ZNF469: variants seen among roughly 807,000 people sequenced by gnomAD.
The protein encoded by ZNF469 is zinc finger protein 469.
ZNF469 carries 1 observed loss-of-function variant against 1.0 expected under a neutral mutation model. The ratio of observed to expected loss-of-function variants is 1.00; its 90% CI spans 0.35 to 4.73. ZNF469 has a LOEUF of 4.73. Among genes scored for constraint, ZNF469 ranks in the 30% most tolerant of loss-of-function variants. ZNF469 has a pLI of 0.16. For missense variants in ZNF469, 6,100 were observed against 5,356.3 expected (o/e 1.14, Z -4.33); for synonymous variants, 2,703 against 2,363.4 (o/e 1.14, Z -4.17).
the ZNF469 span, among the ~76,000 whole-genome samples, chr16:88,225,166 C>T: frequency 5.3e-5 from 8 of 152,264 alleles, no homozygotes; most frequent in African/African-American, 1.9e-4. Flanking sequence ...TCCCCACTGG[C>T]TTCCTCAGGC....
chr16:88,111,547 G>A, the ZNF469 span, among the ~76,000 whole-genome samples: 3 of 151,356 alleles, frequency 2.0e-5, no homozygotes, highest in African/African-American at 7.4e-5. Flanking sequence ...TTCCCAGCCT[G>A]TGGTAACCCT....
chr16:88,343,296 A>G, the ZNF469 span, among the ~76,000 whole-genome samples: 2 of 152,240 alleles, frequency 1.3e-5, no homozygotes. Flanking sequence ...TCCCAAGGAT[A>G]GAATAAACAT....
the ZNF469 span, among the ~76,000 whole-genome samples, chr16:88,238,829 G>T: frequency 6.6e-6 from 1 of 152,218 alleles, no homozygotes; most frequent in Non-Finnish European, 1.5e-5. Flanking sequence ...AGAAGAGCAG[G>T]CGCCTCTGCT....
the ZNF469 span, among the ~76,000 whole-genome samples, chr16:88,257,177 T>C: frequency 6.6e-6 from 1 of 150,876 alleles, no homozygotes; most frequent in African/African-American, 2.4e-5. Flanking sequence ...TTGGCCAGGC[T>C]GGTCTCCAAC....
the ZNF469 span, among the ~76,000 whole-genome samples, chr16:88,117,650 G>T: frequency 7.2e-5 from 11 of 152,116 alleles, no homozygotes; most frequent in Admixed American, 2.6e-4. Flanking sequence ...AAAGTGCCAC[G>T]TGTCTTCACA....
At chr16:88,108,548 G>A in the ZNF469 span, among the ~76,000 whole-genome samples, 72,712 of 152,070 alleles carry the variant, frequency 0.48, 18,327 homozygotes, top group Middle Eastern at 0.65. Context: ...AGGATCTTTG[G>A]GGGTTGAGTT....
the ZNF469 span, among the ~76,000 whole-genome samples, chr16:88,319,561 A>G: frequency 6.6e-6 from 1 of 152,138 alleles, no homozygotes; most frequent in Non-Finnish European, 1.5e-5. Flanking sequence ...TCAGAGGGGA[A>G]GCAGCGGGGC....
At chr16:88,321,577 T>G in the ZNF469 span, among the ~76,000 whole-genome samples, 3 of 152,134 alleles carry the variant, frequency 2.0e-5, no homozygotes, top group Admixed American at 2.0e-4. Context: ...GCCCTCGGAT[T>G]CTGCTCATAA....
rs930250153 is a variant in ZNF469 at position 88,440,687 on chromosome 16, G to A, written c.*1355G>A. ...CGCAAACCAAGTGCGGAGGGGCCCT[G>A]AGGTTGTACTGTAAACATCATAGTG... On this transcript the variant is annotated 3_prime_UTR_variant, in exon 3 of 3. Coordinates refer to ENST00000565624, the MANE Select transcript of ZNF469 (RefSeq NM_001367624.2). The A allele has an allele frequency of 2.0e-5, 3 of 152,182 alleles. No individual in the cohort carries two copies. Among genetic ancestry groups the A allele is most frequent in the Admixed American group, 2.0e-4 (3 of 15,280 alleles). The allele number at this position is 152,182 out of a possible 1,614,324, so 9.4% of individuals were successfully genotyped here. A position where few individuals can be genotyped will look rare whatever the true frequency, so the allele number is the denominator to read the frequency against.
At chr16:88,375,871 G>A in the ZNF469 span, among the ~76,000 whole-genome samples, 3 of 152,218 alleles carry the variant, frequency 2.0e-5, no homozygotes, top group South Asian at 4.1e-4. Flanking sequence ...TGGCAAAAAC[G>A]GAAGCATGAT....
chr16:88,422,667 G>T (rs537305370), intron 1 of ZNF469, among the ~76,000 whole-genome samples: 7 of 150,132 alleles, frequency 4.7e-5, no homozygotes, highest in African/African-American at 1.7e-4. Flanking sequence ...TGGATGGATG[G>T]GTGGGTAGAT....
the ZNF469 span, among the ~76,000 whole-genome samples, chr16:88,294,369 C>A: frequency 1.3e-5 from 2 of 152,196 alleles, no homozygotes; most frequent in East Asian, 3.8e-4. Context: ...CAAATACCTG[C>A]CTAGTGCTGT....
intron 1 of ZNF469, among the ~76,000 whole-genome samples, chr16:88,418,970 C>A (rs1905378997): frequency 6.6e-6 from 1 of 152,204 alleles, no homozygotes; most frequent in Admixed American, 6.5e-5. Flanking sequence ...CTGCTCGGCT[C>A]CACCAGGGTT....
the ZNF469 span, among the ~76,000 whole-genome samples, chr16:88,151,085 C>T: frequency 6.6e-6 from 1 of 152,248 alleles, no homozygotes; most frequent in African/African-American, 2.4e-5. The surrounding 1 kb of genome is among the most constrained non-coding windows in gnomAD (Gnocchi z 5.4). Flanking sequence ...AGGTGAAGCC[C>T]CACAGGGGGC....
At position 88,428,078 on chromosome 16, in the gene ZNF469, C is replaced by T. The variant is rs1189536062; in HGVS notation, c.608C>T (p.Pro203Leu). 2.6e-6 allele frequency: 4 copies of T among 1,549,920 alleles called. No individual in the cohort carries two copies. Among genetic ancestry groups the T allele is most frequent in the Middle Eastern group, 1.7e-4 (1 of 5,988 alleles). Reference sequence around the variant, plus strand: ...AACTATACCTCACCAAGCGCCACCCCCAGGCCCCCAGCCCCGGGGCCCCCC... The same window carrying T: ...AACTATACCTCACCAAGCGCCACCCTCAGGCCCCCAGCCCCGGGGCCCCCC... ...STNYTSPSAT[P>L]RPPAPGPPQS... Residue 203 changes from proline (P) to leucine (L), a missense_variant, in exon 3 of 3, where the codon CCC becomes CTC. By Grantham distance (98) the Pro-to-Leu change is moderately conservative. Coordinates refer to ENST00000565624, the MANE Select transcript of ZNF469 (RefSeq NM_001367624.2).
At position 88,435,451 on chromosome 16, in the gene ZNF469, G is replaced by A. The variant is rs138259179; in HGVS notation, c.7981G>A (p.Gly2661Ser). 6.6e-5 allele frequency: 102 copies of A among 1,549,872 alleles called. No homozygotes were observed. In the African/African-American group the frequency reaches 8.6e-4, roughly 13 times the overall value. ...TGCTGATGTGATTTCAGATGGGCGC[G>A]GCTCCAGACCATCCCCTGCAATGGC... is the stretch of plus-strand genomic sequence containing the variant. ...VSADVISDGR[G>S]SRPSPAMASY... Residue 2661 changes from glycine to serine, a missense_variant, in exon 3 of 3, where the codon GGC becomes AGC. By Grantham distance (56) the Gly-to-Ser change is moderately conservative (BLOSUM62 0). Coordinates refer to ENST00000565624, the MANE Select transcript of ZNF469 (RefSeq NM_001367624.2).
the ZNF469 span, among the ~76,000 whole-genome samples, chr16:88,118,564 C>T: frequency 3.3e-5 from 5 of 152,198 alleles, no homozygotes; most frequent in African/African-American, 7.2e-5. Context: ...AGGGTGATGG[C>T]GCGCAGGGGT....
At chr16:88,182,941 A>G in the ZNF469 span, among the ~76,000 whole-genome samples, 23,174 of 152,222 alleles carry the variant, frequency 0.15, 2,232 homozygotes, top group East Asian at 0.35. Context: ...ATACTTAAGA[A>G]AATGAAGAGA....
the ZNF469 span, among the ~76,000 whole-genome samples, chr16:88,162,556 A>C: frequency 6.6e-6 from 1 of 152,230 alleles, no homozygotes; most frequent in African/African-American, 2.4e-5. Flanking sequence ...ATTTTTGATA[A>C]TAGATTTTAA....
Sources: gnomAD v4.1 joint callset for allele counts (sites outside exome capture counted in the v4.1 genomes callset) on GRCh38, gnomAD v4.1.1 for gene constraint, Gnocchi (gnomAD v3.1) non-coding constraint, MANE v1.5 for transcripts, NCBI Gene and HGNC (gene_info 2026-07-23, HGNC 2026-07-21) for gene names.